CRPPA: variants seen among roughly 807,000 people sequenced by gnomAD.
CRPPA encodes CDP-L-ribitol pyrophosphorylase A, also known as D-ribitol-5-phosphate cytidylyltransferase.
In CRPPA, 43 loss-of-function variants were observed where a neutral mutation model predicts 52.0. The ratio of observed to expected loss-of-function variants is 0.83; its 90% confidence interval spans 0.65 to 1.07. The LOEUF (loss-of-function observed/expected upper bound fraction) is 1.07, where lower values mean the gene tolerates loss of function less well. Among genes scored for constraint, CRPPA ranks in the 50% least tolerant of loss-of-function variants. The pLI, the probability that CRPPA is intolerant of heterozygous loss-of-function variation, is 0.00. For synonymous variants in CRPPA, 250 were observed against 203.5 expected (o/e 1.23, Z -1.94); for missense variants, 629 against 551.7 (o/e 1.14, Z -1.40).
At chr7:16,210,153 T>A (rs550028972) in intron 9 of CRPPA, among the ~76,000 whole-genome samples, 5 of 152,350 alleles carry the variant, frequency 3.3e-5, no homozygotes, top group African/African-American at 1.2e-4. Context: ...CATATATACA[T>A]GTGTGTATGG....
At chr7:16,185,534 A>G (rs934605810) in intron 9 of CRPPA, among the ~76,000 whole-genome samples, 1 of 152,158 alleles carries the variant, frequency 6.6e-6, no homozygotes, top group Non-Finnish European at 1.5e-5. Flanking sequence ...GAAAACTCCA[A>G]TATTTTTGTG....
At chr7:16,417,743 G>A (rs1272905557) in intron 1 of CRPPA, among the ~76,000 whole-genome samples, 1 of 150,468 alleles carries the variant, frequency 6.6e-6, no homozygotes, top group African/African-American at 2.5e-5. Flanking sequence ...AATATACCCA[G>A]GTAACAAATC....
intron 3 of CRPPA, 38 bp downstream of exon 3, chr7:16,376,054 A>T (rs1162411782): frequency 6.5e-7 from 1 of 1,541,050 alleles, no homozygotes. Flanking sequence ...GGGGAACCTG[A>T]CATAACAGCA....
At chr7:16,413,084 A>G (rs1437581866) in intron 1 of CRPPA, among the ~76,000 whole-genome samples, 1 of 152,152 alleles carries the variant, frequency 6.6e-6, no homozygotes, top group Non-Finnish European at 1.5e-5. Flanking sequence ...GCTGCTGCTC[A>G]TTTCCATGGC....
intron 9 of CRPPA, among the ~76,000 whole-genome samples, chr7:16,143,728 C>T (rs1003510253): frequency 2.0e-5 from 3 of 152,136 alleles, no homozygotes; most frequent in African/African-American, 4.8e-5. Context: ...TAAGAAGATA[C>T]GGTTAGATGT....
chr7:16,169,481 G>A (rs1278301874), intron 9 of CRPPA, among the ~76,000 whole-genome samples: 1 of 152,176 alleles, frequency 6.6e-6, no homozygotes, highest in Admixed American at 6.5e-5. Context: ...TTCTCAAACT[G>A]GTGAAGTGAT....
intron 9 of CRPPA, among the ~76,000 whole-genome samples, chr7:16,127,226 AAAT>A (rs781062078): frequency 1.3e-4 from 20 of 152,148 alleles, no homozygotes; most frequent in Non-Finnish European, 2.8e-4. Flanking sequence ...AACAAAAACT[AAAT>A]AAAGGAAAAG....
Position 16,308,560 on chromosome 7 carries a change from T to C in CRPPA, c.752A>G (p.Lys251Arg), listed in dbSNP as rs763780592. 1.9e-6 allele frequency: 3 copies of C among 1,610,948 alleles called. No individual in the cohort carries two copies. The highest frequency in any genetic ancestry group is 2.5e-6 in the Non-Finnish European group (3 of 1,178,404). ...LQLALKYCCT[K>R]AKLVEGSPDL... The stretch of plus-strand genomic sequence containing the variant: ...AGGTGATCCTTCTACAAGTTTGGCT[T>C]TAGTGCAACAGTATTTTAGGGCCAA... The change falls in exon 4 of 10, where the codon AAA (lysine) becomes AGA (arginine). Residue 251 changes from lysine (K) to arginine (R), a missense_variant. Lys to Arg is a conservative substitution (Grantham distance 26). Transcript: ENST00000407010.
chr7:16,404,384 T>C (rs1481255059), intron 2 of CRPPA, among the ~76,000 whole-genome samples: 1 of 152,184 alleles, frequency 6.6e-6, no homozygotes, highest in African/African-American at 2.4e-5. Flanking sequence ...GTAACTGCTA[T>C]GTATTTTAAT....
At chr7:16,279,660 G>A (rs1012960109) in intron 5 of CRPPA, among the ~76,000 whole-genome samples, 1 of 152,196 alleles carries the variant, frequency 6.6e-6, no homozygotes, top group Non-Finnish European at 1.5e-5. Flanking sequence ...ATAATACAAT[G>A]AGCTAGGAGC....
Position 16,324,091 on chromosome 7 carries a change from T to C in CRPPA, c.685-15464A>G, listed in dbSNP as rs374500896. 9.9e-5 allele frequency among the ~76,000 whole-genome samples: 15 copies of C among 152,244 alleles called. 1 individual carries two copies. The East Asian group carries it at 2.5e-3, about 26-fold the overall frequency. ...GATCATGACCACAAAATGAAACACC[T>C]CTTATTTGTCTTTAAATCAGTTGAC... On this transcript the variant is annotated intron_variant, in intron 3 of 9. Transcript: ENST00000407010.
intron 3 of CRPPA, among the ~76,000 whole-genome samples, chr7:16,352,967 T>C (rs1786196991): frequency 6.6e-6 from 1 of 151,560 alleles, no homozygotes; most frequent in Non-Finnish European, 1.5e-5. Flanking sequence ...GAAATTGTCA[T>C]TAGCAAGAAT....
chr7:16,158,453 A>T (rs115136728), intron 9 of CRPPA, among the ~76,000 whole-genome samples: 40 of 152,290 alleles, frequency 2.6e-4, no homozygotes, highest in African/African-American at 9.6e-4. Context: ...ACTTTAGGAA[A>T]ATAACTCAAG....
rs1562608296 is a variant in CRPPA, at chr7:16,286,036, AAAATATAAATATATATATAT to A, written c.836-7830_836-7811del. Among the ~76,000 whole-genome samples the A allele has an allele frequency of 2.3e-3, 44 of 18,784 alleles. 1 individual carries two copies. Among genetic ancestry groups the A allele is most frequent in the Non-Finnish European group, 3.7e-3 (38 of 10,134 alleles). 12.3% of individuals were successfully genotyped at this position (18,784 alleles called of 152,430 possible). A position where few individuals can be genotyped will look rare whatever the true frequency, so the allele number is the denominator to read the frequency against. On this transcript the variant is annotated intron_variant, in intron 5 of 9. Coordinates refer to ENST00000407010, the MANE Select transcript of CRPPA (RefSeq NM_001101426.4). ...ACTCCATCTCAAAAAAAAAAAAAAA[AAAATATAAATATATATATAT>A]ATATATATATATATATATATATATA...
intron 2 of CRPPA, among the ~76,000 whole-genome samples, chr7:16,397,609 CGTGACACGTGACCAACACGTGT>C (rs1196769244): frequency 3.1e-4 from 47 of 152,046 alleles, no homozygotes; most frequent in Admixed American, 1.8e-3. Flanking sequence ...ACGTGTGACA[CGTGACACGTGACCAACACGTGT>C]GTGACACGTG....
chr7:16,397,294 G>C (rs189212307), intron 2 of CRPPA, among the ~76,000 whole-genome samples: 177 of 152,298 alleles, frequency 1.2e-3, no homozygotes, highest in Non-Finnish European at 1.9e-3. Flanking sequence ...ATTGTGACAA[G>C]TCACTGACAT....
chr7:16,140,256 T>C (rs13245773), intron 9 of CRPPA, among the ~76,000 whole-genome samples: 50,072 of 152,024 alleles, frequency 0.33, 9,668 homozygotes, highest in South Asian at 0.56. Flanking sequence ...CAAGTGATTC[T>C]TGTGCCTCAG....
chr7:16,319,014 C>T (rs993746707), intron 3 of CRPPA, among the ~76,000 whole-genome samples: 3 of 152,172 alleles, frequency 2.0e-5, no homozygotes, highest in South Asian at 2.1e-4. Context: ...CCAACTTCAT[C>T]TCAATATACC....
Position 16,102,599 on chromosome 7 carries a change from C to T in CRPPA, c.1252-10800G>A, listed in dbSNP as rs182845719. 3.0e-3 allele frequency among the ~76,000 whole-genome samples: 454 copies of T among 151,498 alleles called. 3 individuals are homozygous for T. Among genetic ancestry groups the T allele is most frequent in the African/African-American group, 0.011 (436 of 41,260 alleles). ...ATCCAGAATCTACAAGGAACTTAAA[C>T]AAATTTACAAGAAAAAAAACAAACA... is the stretch of plus-strand genomic sequence containing the variant. On this transcript the variant is annotated intron_variant, in intron 9 of 9. Transcript: ENST00000407010.
Sources: allele counts gnomAD v4.1 joint callset (sites outside exome capture counted in the v4.1 genomes callset), GRCh38; gene constraint gnomAD v4.1.1; transcripts MANE v1.5; gene names NCBI Gene and HGNC (gene_info 2026-07-23, HGNC 2026-07-21).